UBR3: variants seen among roughly 807,000 people sequenced by gnomAD.
The protein encoded by UBR3 is ubiquitin protein ligase E3 component n-recognin 3.
In UBR3, 85 loss-of-function variants were observed where a neutral mutation model predicts 243.2. The observed-to-expected ratio is 0.35, with a 90% CI of 0.29 to 0.42. The LOEUF (loss-of-function observed/expected upper bound fraction) is 0.42, where lower values mean the gene tolerates loss of function less well. Ranked by LOEUF, UBR3 falls within the 10% of genes least tolerant of loss-of-function variation. The pLI is 1.00. For synonymous variants in UBR3, 748 were observed against 799.8 expected (o/e 0.94, Z 1.09); for missense variants, 1,686 against 2,300.8 (o/e 0.73, Z 5.47).
chr2:170,010,509 A>G (rs1283413451), intron 29 of UBR3, among the ~76,000 whole-genome samples: 1 of 152,162 alleles, frequency 6.6e-6, no homozygotes, highest in Non-Finnish European at 1.5e-5. Flanking sequence ...ATTTAAATAT[A>G]ATTTAGTGGA....
chr2:169,973,958 A>G (rs1479817430), intron 24 of UBR3, among the ~76,000 whole-genome samples: 1 of 152,094 alleles, frequency 6.6e-6, no homozygotes, highest in African/African-American at 2.4e-5. Flanking sequence ...TGATTGTATA[A>G]TTTTTGTCCT....
At position 169,914,216 on chromosome 2, in the gene UBR3, C is replaced by A. The variant is rs79683694; in HGVS notation, c.1866+70C>A. ...GACATTTAAGAAAAGTGTTAGATTT[C>A]ATTTAATGTTGAAAATAATGAATAC... On this transcript the variant is annotated intron_variant, in intron 11 of 38. Transcript: ENST00000272793. 8.4e-4 allele frequency: 649 copies of A among 769,528 alleles called. 7 individuals carry two copies. In the East Asian group the frequency reaches 0.019, roughly 23 times the overall value. The allele number at this position is 769,528 out of a possible 1,614,324, so 47.7% of individuals were successfully genotyped here. A position where few individuals can be genotyped will look rare whatever the true frequency, so the allele number is the denominator to read the frequency against.
intron 11 of UBR3, among the ~76,000 whole-genome samples, chr2:169,922,689 A>C (rs1450461770): frequency 1.3e-5 from 2 of 152,176 alleles, no homozygotes; most frequent in African/African-American, 4.8e-5. Context: ...TATAGGTGGA[A>C]TCATATAGTT....
rs140588326 is a variant in UBR3, at chr2:169,839,966, A to G, written c.545+11914A>G. On this transcript the variant is annotated intron_variant, in intron 1 of 38. Transcript: ENST00000272793. ...ACAAACCTGAGAGGAACCTTCTGGC[A>G]GAGTTAGGCCCACTGTCTTACAACT... is the stretch of plus-strand genomic sequence containing the variant. Among the ~76,000 whole-genome samples the G allele has an allele frequency of 5.9e-5, 9 of 152,306 alleles. No individual in the cohort carries two copies. In the East Asian group the frequency reaches 1.7e-3, roughly 29 times the overall value.
chr2:170,072,922 C>G (rs1181274456), intron 35 of UBR3, among the ~76,000 whole-genome samples: 1 of 152,084 alleles, frequency 6.6e-6, no homozygotes, highest in Non-Finnish European at 1.5e-5. Context: ...GCAAATAGAG[C>G]TTTGGATTAC....
intron 23 of UBR3, among the ~76,000 whole-genome samples, chr2:169,953,270 A>G (rs572302507): frequency 1.3e-5 from 2 of 152,310 alleles, no homozygotes; most frequent in South Asian, 2.1e-4. Flanking sequence ...AGATGACTCT[A>G]TTTGGATCTC....
chr2:170,050,032 G>A (rs2091181354), intron 32 of UBR3, among the ~76,000 whole-genome samples: 1 of 152,080 alleles, frequency 6.6e-6, no homozygotes, highest in Admixed American at 6.5e-5. Flanking sequence ...GCAGTTTATT[G>A]GACCCAAAAT....
chr2:170,003,050 TA>T (rs1311308153), intron 27 of UBR3, among the ~76,000 whole-genome samples: 1 of 152,198 alleles, frequency 6.6e-6, no homozygotes. Context: ...TTTTCCTTCC[TA>T]TTCCTCACCT....
chr2:170,080,172 G>GT (rs1290337718), intron 37 of UBR3, 149 bp downstream of exon 37: 2 of 775,340 alleles, frequency 2.6e-6, no homozygotes, highest in Non-Finnish European at 4.0e-6. Flanking sequence ...CAGTAGAAGA[G>GT]TAAAAAAAGA....
intron 30 of UBR3, among the ~76,000 whole-genome samples, chr2:170,028,743 G>A (rs1319066435): frequency 6.7e-6 from 1 of 149,872 alleles, no homozygotes; most frequent in Admixed American, 6.7e-5. Flanking sequence ...TAAATGTCAT[G>A]AGCAGAATTT....
intron 5 of UBR3, among the ~76,000 whole-genome samples, chr2:169,882,790 A>C (rs2083943822): frequency 2.0e-5 from 3 of 152,086 alleles, no homozygotes; most frequent in Non-Finnish European, 4.4e-5. Flanking sequence ...AAACGAAATG[A>C]AAATTAGTGT....
At chr2:170,058,443 A>G (rs2091385123) in intron 33 of UBR3, among the ~76,000 whole-genome samples, 2 of 151,422 alleles carry the variant, frequency 1.3e-5, no homozygotes, top group Admixed American at 6.6e-5. Flanking sequence ...GAGTCTTTAT[A>G]CTAGAATTTC....
chr2:170,016,814 G>T, intron 30 of UBR3: 1 of 668,830 alleles, frequency 1.5e-6, no homozygotes, highest in Non-Finnish European at 2.0e-6. Flanking sequence ...AATTTAAATT[G>T]TTAAATTTAT....
rs868550407 is a variant in UBR3, at chr2:169,882,373, A to G, written c.1038+3799A>G. The stretch of plus-strand genomic sequence containing the variant: ...GTAAATATATATTATATATGTAAAT[A>G]TATATTATATATAAAAATATATATA... On this transcript the variant is annotated intron_variant, in intron 5 of 38. Transcript: ENST00000272793. Among the ~76,000 whole-genome samples, 206 of 141,542 alleles carry G rather than the reference A, an allele frequency of 1.5e-3. 1 individual carries two copies. The highest frequency in any genetic ancestry group is 4.9e-3 in the African/African-American group (191 of 38,904). The allele number at this position is 141,542 out of a possible 152,430, so 92.9% of individuals were successfully genotyped here.
chr2:169,975,836 G>A (rs917973935), intron 24 of UBR3, among the ~76,000 whole-genome samples: 2 of 151,552 alleles, frequency 1.3e-5, no homozygotes, highest in Admixed American at 6.6e-5. Flanking sequence ...ATTCCTTTTT[G>A]GATCTGCAAT....
In UBR3 at chr2:169,872,270, A is replaced by C. The variant is rs1257182846; in HGVS notation, c.580A>C (p.Asn194His). 5 of 1,534,122 alleles carry C rather than the reference A, an allele frequency of 3.3e-6. No homozygotes were observed. The highest frequency in any genetic ancestry group is 4.4e-6 in the Non-Finnish European group (5 of 1,139,894). The change falls in exon 2 of 39, where the codon AAT (asparagine) becomes CAT (histidine). Residue 194 changes from asparagine (N) to histidine (H), a missense_variant. By Grantham distance (68) the Asn-to-His change is moderately conservative. Transcript: ENST00000272793. The part of the protein sequence containing the change: ...CKRHQIKSSS[N>H]IPCVPKDLLM... ...AAGGCATCAAATTAAATCAAGTTCA[A>C]ATATTCCCTGTGTCCCTAAAGACTT... is the stretch of plus-strand genomic sequence containing the variant.
chr2:170,064,730 G>A (rs181464704), intron 35 of UBR3, among the ~76,000 whole-genome samples: 5 of 147,874 alleles, frequency 3.4e-5, no homozygotes, highest in African/African-American at 1.2e-4. Context: ...TTTAATTACT[G>A]TGGTTTTATT....
At chr2:169,878,870 C>T (rs1329995766) in intron 5 of UBR3, among the ~76,000 whole-genome samples, 1 of 152,066 alleles carries the variant, frequency 6.6e-6, no homozygotes, top group Non-Finnish European at 1.5e-5. Flanking sequence ...AGAGATTTCT[C>T]CTCAGAGGCT....
chr2:170,008,886 G>A lies in UBR3; in HGVS notation c.4313G>A (p.Ser1438Asn). 1 of 1,599,108 alleles carries A rather than the reference G, an allele frequency of 6.3e-7. No homozygotes were observed. The highest frequency in any genetic ancestry group is 8.5e-7 in the Non-Finnish European group (1 of 1,172,296). Residue 1438 changes from serine (S) to asparagine (N), a missense_variant, in exon 29 of 39, where the codon AGC becomes AAC. By Grantham distance (46) the Ser-to-Asn change is conservative (BLOSUM62 1). Coordinates refer to ENST00000272793, the MANE Select transcript of UBR3 (RefSeq NM_172070.4). ...NTTQKKYRDY[S>N]KTPGSPDNDF... Reference sequence around the variant, plus strand: ...ACTCAGAAGAAATATAGAGACTATAGCAAGACCCCGGGCTCACCAGACAAT... The same window carrying A: ...ACTCAGAAGAAATATAGAGACTATAACAAGACCCCGGGCTCACCAGACAAT...
Sources: gnomAD v4.1 joint callset for allele counts (sites outside exome capture counted in the v4.1 genomes callset) on GRCh38, gnomAD v4.1.1 for gene constraint, MANE v1.5 for transcripts, NCBI Gene and HGNC (gene_info 2026-07-23, HGNC 2026-07-21) for gene names.